Variants in HYCC2 observed in about 807,000 individuals in gnomAD.
HYCC2 encodes the protein hyccin 2.
chr2:200,981,466 C>T, the HYCC2 span: 8 of 1,614,056 alleles, frequency 5.0e-6, no homozygotes, highest in South Asian at 6.6e-5. The surrounding 1 kb of genome is among the most constrained non-coding windows in gnomAD (Gnocchi z 4.5). Flanking sequence ...AATGCTGGTA[C>T]TTGCTTGACT....
chr2:200,987,342 C>T, the HYCC2 span: 2 of 1,284,822 alleles, frequency 1.6e-6, no homozygotes, highest in Non-Finnish European at 2.0e-6. Context: ...TCACTGACTT[C>T]TGCCTCCTCA....
At chr2:201,049,139 G>C in the HYCC2 span, among the ~76,000 whole-genome samples, 16 of 144,662 alleles carry the variant, frequency 1.1e-4, no homozygotes, top group South Asian at 2.0e-3. Context: ...AAAAAAAAAA[G>C]AAAACAAAAA....
the HYCC2 span, among the ~76,000 whole-genome samples, chr2:200,982,768 A>AT: frequency 5.9e-5 from 9 of 151,802 alleles, no homozygotes; most frequent in Non-Finnish European, 1.3e-4. Flanking sequence ...TTATTTATTT[A>AT]TTTTTTTTGA....
the HYCC2 span, chr2:201,008,952 AT>A: frequency 4.3e-6 from 6 of 1,391,480 alleles, no homozygotes; most frequent in Non-Finnish European, 6.1e-6. Context: ...AGTTGTTACT[AT>A]ATACAGTTTT....
At chr2:201,031,440 T>A in the HYCC2 span, among the ~76,000 whole-genome samples, 1 of 151,950 alleles carries the variant, frequency 6.6e-6, no homozygotes, top group African/African-American at 2.4e-5. Flanking sequence ...TCACCTGAGG[T>A]TGGAAGTTCA....
chr2:201,004,447 C>T, the HYCC2 span, among the ~76,000 whole-genome samples: 5,453 of 152,236 alleles, frequency 0.036, 343 homozygotes, highest in African/African-American at 0.12. Context: ...TTTGTACCCT[C>T]TGAGGCATAA....
the HYCC2 span, among the ~76,000 whole-genome samples, chr2:201,028,651 A>G: frequency 6.6e-6 from 1 of 152,230 alleles, no homozygotes; most frequent in Admixed American, 6.5e-5. Flanking sequence ...GCCCTCAGAA[A>G]TAACACCACA....
the HYCC2 span, among the ~76,000 whole-genome samples, chr2:201,035,603 A>G: frequency 1.3e-5 from 2 of 152,206 alleles, no homozygotes; most frequent in South Asian, 2.1e-4. Flanking sequence ...CTCTCAACTC[A>G]TCAAAGTCAT....
the HYCC2 span, among the ~76,000 whole-genome samples, chr2:200,993,156 G>C: frequency 6.6e-6 from 1 of 152,204 alleles, no homozygotes. Context: ...TAGGCATACA[G>C]TTGTGAACAG....
the HYCC2 span, among the ~76,000 whole-genome samples, chr2:201,008,809 G>A: frequency 6.6e-6 from 1 of 152,150 alleles, no homozygotes; most frequent in Non-Finnish European, 1.5e-5. Flanking sequence ...GAGGTGGGAA[G>A]ATCACTTAAG....
At chr2:201,042,284 G>GT in the HYCC2 span, among the ~76,000 whole-genome samples, 4 of 152,222 alleles carry the variant, frequency 2.6e-5, no homozygotes, top group African/African-American at 9.6e-5. Flanking sequence ...CTGGAGTGCA[G>GT]TGGCGTGATC....
the HYCC2 span, among the ~76,000 whole-genome samples, chr2:201,000,558 A>G: frequency 6.6e-6 from 1 of 152,132 alleles, no homozygotes; most frequent in Non-Finnish European, 1.5e-5. Flanking sequence ...GCTACAATAA[A>G]AAAGATGGAA....
chr2:201,032,886 AT>A, the HYCC2 span, among the ~76,000 whole-genome samples: 2 of 152,154 alleles, frequency 1.3e-5, no homozygotes, highest in Admixed American at 6.6e-5. Flanking sequence ...CTACAAAAAC[AT>A]TTTTTAAACA....
the HYCC2 span, among the ~76,000 whole-genome samples, chr2:201,029,835 C>T: frequency 2.0e-5 from 3 of 152,036 alleles, no homozygotes; most frequent in Non-Finnish European, 2.9e-5. Flanking sequence ...ATGTAAATGA[C>T]GAGTTAATGG....
chr2:201,057,066 T>A, the HYCC2 span, among the ~76,000 whole-genome samples: 5 of 152,252 alleles, frequency 3.3e-5, no homozygotes, highest in African/African-American at 1.2e-4. Flanking sequence ...TCTCTGCAGA[T>A]GATTGCTCTT....
At chr2:201,059,928 C>G in the HYCC2 span, among the ~76,000 whole-genome samples, 1 of 151,910 alleles carries the variant, frequency 6.6e-6, no homozygotes, top group African/African-American at 2.4e-5. Context: ...GCCTGTAATC[C>G]CAGCTACTTG....
the HYCC2 span, chr2:200,987,680 C>T: frequency 2.0e-6 from 1 of 488,660 alleles, no homozygotes; most frequent in African/African-American, 2.1e-5. Context: ...GCATGCTGTG[C>T]ACACACATAA....
the HYCC2 span, among the ~76,000 whole-genome samples, chr2:201,034,434 C>CT: frequency 6.6e-6 from 1 of 151,864 alleles, no homozygotes; most frequent in Admixed American, 6.6e-5. Flanking sequence ...GCAACCCCTG[C>CT]TTTTTTTTGT....
the HYCC2 span, among the ~76,000 whole-genome samples, chr2:201,033,775 G>A: frequency 1.3e-5 from 2 of 151,982 alleles, no homozygotes; most frequent in Non-Finnish European, 2.9e-5. Context: ...CTGGGCTCAA[G>A]CACTCTTCCC....
Sources: gnomAD v4.1 joint callset for allele counts (sites outside exome capture counted in the v4.1 genomes callset) on GRCh38, gnomAD v4.1.1 for gene constraint, Gnocchi (gnomAD v3.1) non-coding constraint, MANE v1.5 for transcripts, NCBI Gene and HGNC (gene_info 2026-07-23, HGNC 2026-07-21) for gene names.